Variants in FBXO46 observed in about 807,000 individuals in gnomAD.
FBXO46 encodes the protein F-box only protein 46.
In FBXO46, 13 loss-of-function variants were observed where a neutral mutation model predicts 30.7. That is an observed-to-expected ratio of 0.42 (90% CI 0.28 to 0.67). The LOEUF (loss-of-function observed/expected upper bound fraction) is 0.67, where lower values mean the gene tolerates loss of function less well. Ranked by LOEUF, FBXO46 falls within the 30% of genes least tolerant of loss-of-function variation. The pLI is 0.21. For synonymous variants in FBXO46, 467 were observed against 385.8 expected (o/e 1.21, Z -2.47); for missense variants, 754 against 871.5 (o/e 0.87, Z 1.70).
Position 45,711,634 on chromosome 19 carries a change from G to C in FBXO46, c.*50C>G, listed in dbSNP as rs753283186. The C allele has an allele frequency of 7.1e-7, 1 of 1,402,692 alleles. No homozygotes were observed. The highest frequency in any genetic ancestry group is 9.7e-7 in the Non-Finnish European group (1 of 1,025,756). The allele number at this position is 1,402,692 out of a possible 1,614,324, so 86.9% of individuals were successfully genotyped here. A position where few individuals can be genotyped will look rare whatever the true frequency, so the allele number is the denominator to read the frequency against. On this transcript the variant is annotated 3_prime_UTR_variant, in exon 2 of 2. Coordinates refer to ENST00000317683, the MANE Select transcript of FBXO46 (RefSeq NM_001080469.2). ...CAGTCCGGACCCTCGGCTCCCGGGG[G>C]GAGAGGGGAGGGGTGGGCGTGGTGG...
intron 1 of FBXO46, among the ~76,000 whole-genome samples, chr19:45,725,643 A>T (rs1968229194): frequency 6.6e-6 from 1 of 152,040 alleles, no homozygotes. Context: ...CTGAGGTGGG[A>T]GGATGGCTTG....
At position 45,712,521 on chromosome 19, in the gene FBXO46, G is replaced by C. The variant is rs780571237; in HGVS notation, c.975C>G (p.Phe325Leu). 6.2e-7 allele frequency: 1 copy of C among 1,602,474 alleles called. No homozygotes were observed. The highest frequency in any genetic ancestry group is 8.5e-7 in the Non-Finnish European group (1 of 1,173,638). ...TGGCCTCATCCGCCCTGGCCAGCAG[G>C]AACTCCACGTTGCTGGGGAGGGCAT... ...SRDALPSNVE[F>L]LLARADEASE... Residue 325 changes from phenylalanine (F) to leucine (L), a missense_variant, in exon 2 of 2, where the codon TTC becomes TTG. This residue lies in a region of FBXO46 where 454 missense variants were observed against 426.5 expected (regional missense o/e 1.06). Transcript: ENST00000317683. The surrounding 1 kb of genome is among the most constrained non-coding windows in gnomAD (Gnocchi z 8.8).
At chr19:45,726,635 G>C (rs1331595522) in intron 1 of FBXO46, among the ~76,000 whole-genome samples, 1 of 151,580 alleles carries the variant, frequency 6.6e-6, no homozygotes, top group African/African-American at 2.4e-5. Flanking sequence ...GCAACAAAAC[G>C]AGACTGTCTA....
intron 1 of FBXO46, among the ~76,000 whole-genome samples, chr19:45,726,895 C>T (rs150112803): frequency 3.3e-5 from 5 of 152,170 alleles, no homozygotes; most frequent in African/African-American, 1.2e-4. Flanking sequence ...TATATGCCAC[C>T]TCATCAGTTA....
Position 45,711,672 on chromosome 19 carries a change from C to A in FBXO46, c.*12G>T. 1 of 1,523,036 alleles carries A rather than the reference C, an allele frequency of 6.6e-7. No individual in the cohort carries two copies. The highest frequency in any genetic ancestry group is 1.2e-5 in the South Asian group (1 of 83,742). The allele number at this position is 1,523,036 out of a possible 1,614,324, so 94.3% of individuals were successfully genotyped here. A position where few individuals can be genotyped will look rare whatever the true frequency, so the allele number is the denominator to read the frequency against. ...GTGGGCGTGGTGGGCTCTCCCCTCCCCTCCCCCGGCTTCACCTCCCCTCCT... is the reference window on the plus strand; with the variant it reads ...GTGGGCGTGGTGGGCTCTCCCCTCCACTCCCCCGGCTTCACCTCCCCTCCT... On this transcript the variant is annotated 3_prime_UTR_variant, in exon 2 of 2. Coordinates refer to ENST00000317683, the MANE Select transcript of FBXO46 (RefSeq NM_001080469.2).
chr19:45,715,007 C>T (rs1253409952), intron 1 of FBXO46: 4 of 152,162 alleles, frequency 2.6e-5, no homozygotes, highest in Non-Finnish European at 5.9e-5. Flanking sequence ...GGTGACATAG[C>T]TAAGATTACA....
intron 1 of FBXO46, among the ~76,000 whole-genome samples, chr19:45,719,817 G>T (rs1192170645): frequency 6.6e-6 from 1 of 152,126 alleles, no homozygotes; most frequent in Non-Finnish European, 1.5e-5. Context: ...GAACCAACAT[G>T]AATATATTAG....
rs771409201 is a variant in FBXO46 at position 45,712,308 on chromosome 19, C to A, written c.1188G>T (p.Thr396=). 1.9e-6 allele frequency: 3 copies of A among 1,601,658 alleles called. No individual in the cohort carries two copies. The highest frequency in any genetic ancestry group is 2.2e-5 in the East Asian group (1 of 44,866). Residue 396 remains threonine (T), a synonymous_variant, in exon 2 of 2, where the codon ACG becomes ACT. Transcript: ENST00000317683. The surrounding 1 kb of genome is among the most constrained non-coding windows in gnomAD (Gnocchi z 8.8). ...KNVKEETVCL[T]VSPEEPPPPG... ...GAGGCGGCGGTTCCTCCGGGCTGACCGTCAGGCACACAGTCTCCTCCTTCA... is the reference window on the plus strand; with the variant it reads ...GAGGCGGCGGTTCCTCCGGGCTGACAGTCAGGCACACAGTCTCCTCCTTCA...
intron 1 of FBXO46, among the ~76,000 whole-genome samples, chr19:45,725,931 G>C (rs1284989804): frequency 6.6e-6 from 1 of 152,002 alleles, no homozygotes; most frequent in Non-Finnish European, 1.5e-5. Context: ...TAGTGCAATG[G>C]GGCAATCAGA....
chr19:45,729,180 A>T (rs559107987), intron 1 of FBXO46, among the ~76,000 whole-genome samples: 67 of 152,196 alleles, frequency 4.4e-4, no homozygotes, highest in Non-Finnish European at 6.2e-4. Flanking sequence ...TGTTAATCCC[A>T]GCACTTTGGG....
At position 45,712,137 on chromosome 19, in the gene FBXO46, C is replaced by A. The variant is rs192506598; in HGVS notation, c.1359G>T (p.Ser453=). The A allele has an allele frequency of 4.0e-5, 64 of 1,593,722 alleles. No individual in the cohort carries two copies. The African/African-American group carries it at 8.2e-4, about 20-fold the overall frequency. The change falls in exon 2 of 2, where the codon TCG becomes TCT. Residue 453 remains serine (S), a synonymous_variant. Coordinates refer to ENST00000317683, the MANE Select transcript of FBXO46 (RefSeq NM_001080469.2). This position sits in a 1 kb window ranked among gnomAD's most constrained non-coding sequence, Gnocchi z 8.8. ...TGAAGCGGATCTCTAGGAAGTCGTGCGACACGTGCCGGTACAAGCGGCACA... is the reference window on the plus strand; with the variant it reads ...TGAAGCGGATCTCTAGGAAGTCGTGAGACACGTGCCGGTACAAGCGGCACA... ...TSLCRLYRHV[S]HDFLEIRFKI... is the part of the protein sequence containing the mutation.
chr19:45,722,945 T>C (rs1338746566), intron 1 of FBXO46, among the ~76,000 whole-genome samples: 2 of 151,994 alleles, frequency 1.3e-5, no homozygotes, highest in Non-Finnish European at 1.5e-5. Context: ...TCCCTGCTAC[T>C]CGGGAGGCAA....
At chr19:45,728,692 T>C (rs1182376156) in intron 1 of FBXO46, among the ~76,000 whole-genome samples, 4 of 151,928 alleles carry the variant, frequency 2.6e-5, no homozygotes, top group Non-Finnish European at 5.9e-5. Context: ...AAATAAAAAA[T>C]TAGCCGTGTG....
At chr19:45,731,708 T>C (rs558278637), upstream of FBXO46, among the ~76,000 whole-genome samples, 12 of 151,892 alleles carry the variant, frequency 7.9e-5, no homozygotes, top group Non-Finnish European at 1.5e-4. Flanking sequence ...GTCCACATCA[T>C]AGAATAGCAG....
At chr19:45,727,253 CA>C (rs940849845) in intron 1 of FBXO46, among the ~76,000 whole-genome samples, 1 of 116,686 alleles carries the variant, frequency 8.6e-6, no homozygotes. Flanking sequence ...TGGTTCAAAA[CA>C]AAAAAAAAGA....
In FBXO46 at chr19:45,712,447, G is replaced by T. The variant is rs780524627; in HGVS notation, c.1049C>A (p.Ala350Glu). The change falls in exon 2 of 2, where the codon GCG (alanine) becomes GAG (glutamate). Residue 350 changes from alanine (A) to glutamate (E), a missense_variant. Ala to Glu is a moderately radical substitution (Grantham distance 107). Coordinates refer to ENST00000317683, the MANE Select transcript of FBXO46 (RefSeq NM_001080469.2). This position sits in a 1 kb window ranked among gnomAD's most constrained non-coding sequence, Gnocchi z 8.8. ...GTCCCGGGCAGGGGGCGGAGGGGGC[G>T]CCGGGGGAGTGTCCTCAGGCCTGGC... ...APARPEDTPP[A>E]PPPPPARDCG... The T allele has an allele frequency of 1.2e-6, 2 of 1,610,980 alleles. No homozygotes were observed. Among genetic ancestry groups the T allele is most frequent in the Non-Finnish European group, 1.7e-6 (2 of 1,179,274 alleles).
chr19:45,719,230 C>T (rs1367937120), intron 1 of FBXO46, among the ~76,000 whole-genome samples: 2 of 152,066 alleles, frequency 1.3e-5, no homozygotes, highest in Middle Eastern at 3.2e-3. Context: ...CTCTGGGTGA[C>T]AGCACGAGAC....
rs771926520 is a variant in FBXO46 at position 45,713,444 on chromosome 19, C to T, written c.52G>A (p.Gly18Ser). The T allele has an allele frequency of 3.8e-6, 6 of 1,598,728 alleles. No individual in the cohort carries two copies. The East Asian group carries it at 1.3e-4, about 36-fold the overall frequency. The part of the protein sequence containing the change: ...PFQLWCPRPF[G>S]TYSQNQPRPP... Reference sequence around the variant, plus strand: ...CGTGGCTGGTTCTGTGAGTAGGTGCCAAAGGGCCGGGGGCACCATAGCTGG... The same window carrying T: ...CGTGGCTGGTTCTGTGAGTAGGTGCTAAAGGGCCGGGGGCACCATAGCTGG... Residue 18 changes from glycine (G) to serine (S), a missense_variant, in exon 2 of 2, where the codon GGC becomes AGC. Gly to Ser is a moderately conservative substitution (Grantham distance 56, BLOSUM62 0). Coordinates refer to ENST00000317683, the MANE Select transcript of FBXO46 (RefSeq NM_001080469.2). This position sits in a 1 kb window ranked among gnomAD's most constrained non-coding sequence, Gnocchi z 4.7.
At chr19:45,731,104 C>T (rs958338384), upstream of FBXO46, among the ~76,000 whole-genome samples, 7 of 152,224 alleles carry the variant, frequency 4.6e-5, no homozygotes, top group Non-Finnish European at 7.3e-5. Flanking sequence ...GCGCAGGGTG[C>T]TTCCCCGCTG....
Sources: gnomAD v4.1 joint callset for allele counts (sites outside exome capture counted in the v4.1 genomes callset) on GRCh38, gnomAD v4.1.1 for gene constraint, gnomAD v4.1.1 regional missense constraint, Gnocchi (gnomAD v3.1) non-coding constraint, MANE v1.5 for transcripts, NCBI Gene and HGNC (gene_info 2026-07-23, HGNC 2026-07-21) for gene names.